Variants in EGFR observed in about 807,000 individuals in gnomAD.
EGFR encodes epidermal growth factor receptor.
A neutral mutation model predicts 143.0 loss-of-function variants in EGFR; 58 were observed. The ratio of observed to expected loss-of-function variants is 0.41; its 90% CI spans 0.33 to 0.50. The LOEUF (loss-of-function observed/expected upper bound fraction) is 0.50, where lower values mean the gene tolerates loss of function less well. Ranked by LOEUF, EGFR falls within the 20% of genes least tolerant of loss-of-function variation. The pLI, the probability that EGFR is intolerant of heterozygous loss-of-function variation, is 0.39. For synonymous variants in EGFR, 613 were observed against 594.4 expected (o/e 1.03, Z -0.45); for missense variants, 1,307 against 1,579.0 (o/e 0.83, Z 2.92).
At chr7:55,062,878 G>A (rs1311224772) in intron 1 of EGFR, among the ~76,000 whole-genome samples, 3 of 151,954 alleles carry the variant, frequency 2.0e-5, no homozygotes, top group African/African-American at 2.4e-5. Flanking sequence ...CTTACCATGT[G>A]GTGGATGCCC....
chr7:55,091,899 G>T (rs989258305), intron 1 of EGFR, among the ~76,000 whole-genome samples: 5 of 147,392 alleles, frequency 3.4e-5, no homozygotes, highest in African/African-American at 1.3e-4. Flanking sequence ...CACCCTGAGA[G>T]AGAGAAAGAG....
At chr7:55,092,806 G>C (rs1791210047) in intron 1 of EGFR, among the ~76,000 whole-genome samples, 1 of 152,292 alleles carries the variant, frequency 6.6e-6, no homozygotes, top group South Asian at 2.1e-4. Context: ...GGCGGTGTGG[G>C]ACCGGCACCG....
At chr7:55,105,666 C>G (rs1206827303) in intron 1 of EGFR, among the ~76,000 whole-genome samples, 3 of 152,202 alleles carry the variant, frequency 2.0e-5, no homozygotes, top group Non-Finnish European at 2.9e-5. Context: ...ACACATCTGA[C>G]TCTACAGGGT....
chr7:55,104,987 A>G (rs760689697), intron 1 of EGFR, among the ~76,000 whole-genome samples: 2 of 152,250 alleles, frequency 1.3e-5, no homozygotes, highest in Non-Finnish European at 2.9e-5. Context: ...AATTCCAGGG[A>G]TAGGAATATT....
At chr7:55,106,503 C>G (rs891250238) in intron 1 of EGFR, among the ~76,000 whole-genome samples, 2 of 152,196 alleles carry the variant, frequency 1.3e-5, no homozygotes, top group Admixed American at 1.3e-4. Context: ...CCTTGGGCAC[C>G]AATATGTCCA....
At chr7:55,167,025 G>A (rs1359906526) in intron 15 of EGFR, among the ~76,000 whole-genome samples, 1 of 133,280 alleles carries the variant, frequency 7.5e-6, no homozygotes, top group Non-Finnish European at 1.6e-5. Flanking sequence ...TGTCAGTGTT[G>A]ATGGTCCGAT....
intron 2 of EGFR, among the ~76,000 whole-genome samples, chr7:55,142,890 G>T (rs1008820858): frequency 6.6e-6 from 1 of 152,198 alleles, no homozygotes; most frequent in Non-Finnish European, 1.5e-5. Flanking sequence ...AGCTCTGAAG[G>T]CTTCAGAGTT....
rs962673937 is a variant in EGFR at position 55,096,389 on chromosome 7, G to A, written c.89-45897G>A. On this transcript the variant is annotated intron_variant, in intron 1 of 27. Transcript: ENST00000275493. ...TTTGCTGCTGAGTTAACTTTGTGGC[G>A]GCCTGTGGACTAGACCTCTGCACAT... Among the ~76,000 whole-genome samples the A allele has an allele frequency of 3.9e-5, 6 of 152,184 alleles. No homozygotes were observed. The East Asian group carries it at 5.8e-4, about 15-fold the overall frequency.
intron 1 of EGFR, among the ~76,000 whole-genome samples, chr7:55,024,927 G>A (rs1355328675): frequency 6.6e-6 from 1 of 152,154 alleles, no homozygotes; most frequent in Non-Finnish European, 1.5e-5. Flanking sequence ...AGGAGAGCAC[G>A]TTTAGCCACA....
At chr7:55,185,754 G>A (rs893117955) in intron 20 of EGFR, among the ~76,000 whole-genome samples, 1 of 152,170 alleles carries the variant, frequency 6.6e-6, no homozygotes, top group Non-Finnish European at 1.5e-5. Flanking sequence ...GTGGGGCAGG[G>A]TTCTCAGAAT....
chr7:55,020,640 A>G (rs902186209), intron 1 of EGFR, among the ~76,000 whole-genome samples: 4 of 151,876 alleles, frequency 2.6e-5, no homozygotes, highest in African/African-American at 9.7e-5. Flanking sequence ...CAGACAGAAC[A>G]TGAGCGAGTC....
At chr7:55,131,987 G>A (rs540095655) in intron 1 of EGFR, among the ~76,000 whole-genome samples, 13 of 149,488 alleles carry the variant, frequency 8.7e-5, no homozygotes, top group Non-Finnish European at 1.5e-4. Context: ...ACCTGCTCCT[G>A]GTGTCTTTGT....
At chr7:55,179,320 G>A (rs574901914) in intron 19 of EGFR, among the ~76,000 whole-genome samples, 11 of 152,238 alleles carry the variant, frequency 7.2e-5, no homozygotes, top group Non-Finnish European at 1.3e-4. Context: ...CACCCTCTTG[G>A]CCTGGGGGCG....
intron 16 of EGFR, chr7:55,172,712 A>G (rs1287828439): frequency 7.0e-6 from 5 of 719,108 alleles, no homozygotes; most frequent in Non-Finnish European, 1.1e-5. Flanking sequence ...AAATTGAAAA[A>G]TACTCATTAT....
intron 1 of EGFR, chr7:55,044,156 C>G (rs949716988): frequency 6.6e-6 from 1 of 152,190 alleles, no homozygotes. Flanking sequence ...CTTGGCAATG[C>G]AAGGATGCCA....
In EGFR at chr7:55,201,333, G is replaced by A. The variant is rs570295933; in HGVS notation, c.3092G>A (p.Arg1031Gln). The change falls in exon 25 of 28, where the codon CGG (arginine) becomes CAG (glutamine). Residue 1031 changes from arginine (R) to glutamine (Q), a missense_variant. Transcript: ENST00000275493. ...QGFFSSPSTSRTPLLSSLSAT... is the reference protein window; with the variant it reads ...QGFFSSPSTSQTPLLSSLSAT... ...TTCTTCAGCAGCCCCTCCACGTCAC[G>A]GACTCCCCTCCTGAGCTCTCTGGTA... is the stretch of plus-strand genomic sequence containing the variant. 52 of 1,614,028 alleles carry A rather than the reference G, an allele frequency of 3.2e-5. No homozygotes were observed. The highest frequency in any genetic ancestry group is 1.7e-4 in the Admixed American group (10 of 60,006).
chr7:55,092,224 C>T (rs1791171696), intron 1 of EGFR, among the ~76,000 whole-genome samples: 2 of 152,126 alleles, frequency 1.3e-5, no homozygotes, highest in Non-Finnish European at 2.9e-5. Context: ...TGTAAACCGG[C>T]CCTCCCTTCC....
At chr7:55,054,597 G>A (rs1788679981) in intron 1 of EGFR, among the ~76,000 whole-genome samples, 1 of 152,202 alleles carries the variant, frequency 6.6e-6, no homozygotes, top group Non-Finnish European at 1.5e-5. Context: ...ATGGAATTCA[G>A]AATGTTCATT....
At chr7:55,030,707 T>A (rs1174074001) in intron 1 of EGFR, among the ~76,000 whole-genome samples, 1 of 152,240 alleles carries the variant, frequency 6.6e-6, no homozygotes, top group African/African-American at 2.4e-5. Flanking sequence ...TTAACCTCTT[T>A]AGGGTGTGAA....
Sources: allele counts gnomAD v4.1 joint callset (sites outside exome capture counted in the v4.1 genomes callset), GRCh38; gene constraint gnomAD v4.1.1; transcripts MANE v1.5; gene names NCBI Gene and HGNC (gene_info 2026-07-23, HGNC 2026-07-21).